The following CFHR5 variants were observed in gnomAD, a reference collection of about 807,000 sequenced individuals.
CFHR5 encodes the protein complement factor H-related protein 5.
CFHR5 carries 73 observed loss-of-function variants against 62.9 expected under a neutral mutation model. The observed-to-expected ratio is 1.16, with a 90% confidence interval of 0.96 to 1.41. The LOEUF (loss-of-function observed/expected upper bound fraction) is 1.41. Ranked by LOEUF, CFHR5 falls within the 40% of genes most tolerant of loss-of-function variation. CFHR5 has a pLI of 0.00. For synonymous variants in CFHR5, 249 were observed against 227.2 expected, an observed-to-expected ratio of 1.10 and a Z score of -0.86; for missense variants, 779 against 679.9, an observed-to-expected ratio of 1.15 and a Z score of -1.62.
At chr1:196,976,103 T>G (rs1653389774), upstream of CFHR5, among the ~76,000 whole-genome samples, 1 of 152,174 alleles carries the variant, frequency 6.6e-6, no homozygotes, top group Admixed American at 6.5e-5. Context: ...CTTTAGGTAG[T>G]GTAGTAATTG....
chr1:196,999,803 A>ATG (rs1420822965), intron 7 of CFHR5, among the ~76,000 whole-genome samples: 8 of 144,434 alleles, frequency 5.5e-5, no homozygotes, highest in African/African-American at 2.1e-4. Context: ...GTGTGTATAT[A>ATG]TATGTGTGTG....
At chr1:196,996,899 G>GTAT (rs1654005763) in intron 6 of CFHR5, among the ~76,000 whole-genome samples, 1 of 151,950 alleles carries the variant, frequency 6.6e-6, no homozygotes, top group African/African-American at 2.4e-5. Context: ...AGTAGTAGTA[G>GTAT]TCTATCAGCC....
rs1187451439 is a variant in CFHR5, at chr1:197,002,768, G to A, written c.1330+104G>A. Reference sequence around the variant, plus strand: ...GAACTTATGACTAATCTGTTGCACTGTACCCCAAAGCCTTAAATTGCTAAG... The same window carrying A: ...GAACTTATGACTAATCTGTTGCACTATACCCCAAAGCCTTAAATTGCTAAG... On this transcript the variant is annotated intron_variant, in intron 8 of 9. Coordinates refer to ENST00000256785, the MANE Select transcript of CFHR5 (RefSeq NM_030787.4). 1.6e-5 allele frequency: 15 copies of A among 937,964 alleles called. 1 individual carries two copies. The highest frequency in any genetic ancestry group is 2.5e-5 in the Non-Finnish European group (15 of 605,848). The allele number at this position is 937,964 out of a possible 1,614,324, so 58.1% of individuals were successfully genotyped here. A position where few individuals can be genotyped will look rare whatever the true frequency, so the allele number is the denominator to read the frequency against.
rs1653431067 is a variant in CFHR5 at position 196,977,668 on chromosome 1, T to C, written c.4T>C (p.Leu2=). 2 of 1,612,376 alleles carry C rather than the reference T, an allele frequency of 1.2e-6. No homozygotes were observed. The highest frequency in any genetic ancestry group is 4.5e-5 in the East Asian group (2 of 44,802). Residue 2 remains leucine (L), a synonymous_variant, in exon 1 of 10, where the codon TTG becomes CTG. Coordinates refer to ENST00000256785, the MANE Select transcript of CFHR5 (RefSeq NM_030787.4). The stretch of plus-strand genomic sequence containing the variant: ...TATACGATTGAGACTACCAAGCATG[T>C]TGCTCTTATTCAGTGTAATCCTAAT... M[L]LLFSVILISW...
chr1:196,977,776 A>T, intron 1 of CFHR5, 54 bp downstream of exon 1: 1 of 1,339,878 alleles, frequency 7.5e-7, no homozygotes, highest in Non-Finnish European at 1.1e-6. Context: ...GTATTTATTG[A>T]TTGTGTGTGT....
rs188354928 is a variant in CFHR5 at position 197,007,998 on chromosome 1, T to C, written c.1514-489T>C. 7.6e-4 allele frequency among the ~76,000 whole-genome samples: 113 copies of C among 147,792 alleles called. 1 individual carries two copies. In the East Asian group the frequency reaches 0.02, roughly 26 times the overall value. On this transcript the variant is annotated intron_variant, in intron 9 of 9. Coordinates refer to ENST00000256785, the MANE Select transcript of CFHR5 (RefSeq NM_030787.4). ...TATGTATTATATATTATATATAAGA[T>C]ATATATAAATATATATATAAAGTGC... is the stretch of plus-strand genomic sequence containing the variant.
Position 197,002,478 on chromosome 1 carries a change from G to A in CFHR5, c.1148-4G>A, listed in dbSNP as rs754288425. On this transcript the variant is annotated splice_polypyrimidine_tract_variant and splice_region_variant and intron_variant, in intron 7 of 9. Coordinates refer to ENST00000256785, the MANE Select transcript of CFHR5 (RefSeq NM_030787.4). ...TCATATAATTTAATTCCAATATTTT[G>A]TAGAAAAAAGGGAACAATTCTGCCC... 1.9e-6 allele frequency: 3 copies of A among 1,608,440 alleles called. No individual in the cohort carries two copies. The highest frequency in any genetic ancestry group is 2.2e-5 in the South Asian group (2 of 90,808).
chr1:197,004,421 G>C (rs570730325), intron 8 of CFHR5, among the ~76,000 whole-genome samples: 134 of 152,178 alleles, frequency 8.8e-4, no homozygotes, highest in South Asian at 1.2e-3. Context: ...ACCTAGACCA[G>C]AAGTTTACTC....
intron 1 of CFHR5, among the ~76,000 whole-genome samples, chr1:196,978,231 T>C (rs1653447635): frequency 6.6e-6 from 1 of 152,136 alleles, no homozygotes; most frequent in Non-Finnish European, 1.5e-5. Flanking sequence ...AAAATATTAT[T>C]TTTATATATA....
chr1:196,998,882 A>G (rs1461279399), intron 7 of CFHR5, among the ~76,000 whole-genome samples: 1 of 152,042 alleles, frequency 6.6e-6, no homozygotes. Flanking sequence ...GTGCTTATAA[A>G]GGAATGACAA....
chr1:196,984,802 A>G (rs1653637747), intron 3 of CFHR5, among the ~76,000 whole-genome samples: 1 of 152,198 alleles, frequency 6.6e-6, no homozygotes, highest in Middle Eastern at 3.4e-3. Context: ...TTCTCTTCAT[A>G]CCACTTTCTC....
At chr1:196,996,327 A>G (rs1416139419) in intron 6 of CFHR5, 126 bp downstream of exon 6, 8 of 757,214 alleles carry the variant, frequency 1.1e-5, no homozygotes, top group African/African-American at 1.7e-5. Flanking sequence ...CAAGTAAAAT[A>G]TGTCAATCCA....
At chr1:196,996,517 C>T (rs1301694919) in intron 6 of CFHR5, among the ~76,000 whole-genome samples, 1 of 152,108 alleles carries the variant, frequency 6.6e-6, no homozygotes, top group Non-Finnish European at 1.5e-5. Flanking sequence ...TAATTGCATA[C>T]ATTATTTTTG....
At position 196,996,107 on chromosome 1, in the gene CFHR5, A is replaced by G. The variant is rs771331309; in HGVS notation, c.876A>G (p.Ser292=). ...TCCCTCCCTATCAACATGGAGTTTC[A>G]GTCGAGGTGAATTGCAGAAATGAAT... is the stretch of plus-strand genomic sequence containing the variant. The part of the protein sequence containing the change: ...PSVPPYQHGV[S]VEVNCRNEYA... The change falls in exon 6 of 10, where the codon TCA becomes TCG. Residue 292 remains serine, a synonymous_variant. Coordinates refer to ENST00000256785, the MANE Select transcript of CFHR5 (RefSeq NM_030787.4). The G allele has an allele frequency of 2.5e-6, 4 of 1,613,480 alleles. No individual in the cohort carries two copies.
chr1:197,006,710 C>CA (rs199587226), intron 9 of CFHR5, among the ~76,000 whole-genome samples: 4,304 of 141,888 alleles, frequency 0.03, 96 homozygotes, highest in Middle Eastern at 0.082. Flanking sequence ...GAAACTCCGT[C>CA]AAAAAAAAAA....
intron 3 of CFHR5, among the ~76,000 whole-genome samples, chr1:196,992,516 C>G (rs550416021): frequency 1.3e-5 from 2 of 152,214 alleles, no homozygotes; most frequent in African/African-American, 4.8e-5. Context: ...TTTGGCTCCC[C>G]CTCCATGGAC....
chr1:196,983,132 A>G, intron 2 of CFHR5, 53 bp downstream of exon 2: 1 of 1,609,298 alleles, frequency 6.2e-7, no homozygotes, highest in South Asian at 1.1e-5. Context: ...ATAGAGAAGG[A>G]TGTGCCGGAC....
At chr1:196,981,660 T>A (rs1333990937) in intron 1 of CFHR5, among the ~76,000 whole-genome samples, 1 of 151,996 alleles carries the variant, frequency 6.6e-6, no homozygotes, top group Admixed American at 6.5e-5. Flanking sequence ...ATCATTAGTA[T>A]CCTTAAGGAA....
chr1:196,999,708 TATATATATATATATAC>T (rs1558288966), intron 7 of CFHR5, among the ~76,000 whole-genome samples: 9 of 46,746 alleles, frequency 1.9e-4, no homozygotes, highest in Non-Finnish European at 4.0e-4. Flanking sequence ...TATATATATA[TATATATATATATATAC>T]ACACACACAC....
Sources: gnomAD v4.1 joint callset for allele counts (sites outside exome capture counted in the v4.1 genomes callset) on GRCh38, gnomAD v4.1.1 for gene constraint, MANE v1.5 for transcripts, NCBI Gene and HGNC (gene_info 2026-07-23, HGNC 2026-07-21) for gene names.